The following KCNJ12 variants were observed in gnomAD, a reference collection of about 807,000 sequenced individuals.
The protein encoded by KCNJ12 is potassium inwardly rectifying channel subfamily J member 12.
Under a neutral mutation model 22.3 loss-of-function variants are expected in KCNJ12, and 2 were observed. The ratio of observed to expected loss-of-function variants is 0.09; its 90% CI spans 0.04 to 0.28. The LOEUF (loss-of-function observed/expected upper bound fraction) is 0.28. KCNJ12 is among the 10% of genes least tolerant of loss of function. The pLI is 1.00. For missense variants in KCNJ12, 155 were observed against 633.3 expected, an observed-to-expected ratio of 0.24 and a Z score of 8.11; for synonymous variants, 117 against 261.4, an observed-to-expected ratio of 0.45 and a Z score of 5.33.
In KCNJ12 at chr17:21,415,965, A is replaced by T; in HGVS notation, c.623A>T (p.Lys208Met). The change falls in exon 3 of 3, where the codon AAG becomes ATG. Residue 208 changes from lysine to methionine, a missense_variant. Lys to Met is a moderately conservative substitution (Grantham distance 95). Coordinates refer to ENST00000583088, the MANE Select transcript of KCNJ12 (RefSeq NM_021012.5). ...GCCGTGGTGGCCCTGCGTGACGGCA[A>T]GCTCTGCCTCATGTGGCGTGTGGGT... Reference protein sequence around the residue: ...HNAVVALRDGKLCLMWRVGNL... With the variant: ...HNAVVALRDGMLCLMWRVGNL... The T allele has an allele frequency of 6.2e-7, 1 of 1,610,470 alleles. No homozygotes were observed. The highest frequency in any genetic ancestry group is 8.5e-7 in the Non-Finnish European group (1 of 1,179,006).
intron 2 of KCNJ12, 88 bp from the exon 3 acceptor site, chr17:21,415,199 C>G: frequency 7.3e-7 from 1 of 1,366,540 alleles, no homozygotes; most frequent in Non-Finnish European, 1.0e-6. Context: ...GTGGAAGCGT[C>G]CTCCAGTCAC....
At chr17:21,414,173 C>T (rs1906544870) in intron 2 of KCNJ12, among the ~76,000 whole-genome samples, 1 of 152,298 alleles carries the variant, frequency 6.6e-6, no homozygotes, top group Non-Finnish European at 1.5e-5. Flanking sequence ...ATTCTAGGCC[C>T]TGGGAAGGAC....
chr17:21,408,802 C>T (rs1187073618), intron 2 of KCNJ12, among the ~76,000 whole-genome samples, 162 bp downstream of exon 2: 6 of 152,170 alleles, frequency 3.9e-5, no homozygotes, highest in Admixed American at 6.5e-5. Context: ...CCCATGCCTC[C>T]ACCCCTCCAT....
At chr17:21,402,452 G>A (rs1260714931) in intron 1 of KCNJ12, among the ~76,000 whole-genome samples, 3 of 152,312 alleles carry the variant, frequency 2.0e-5, no homozygotes, top group African/African-American at 7.2e-5. Flanking sequence ...GTGAGTCAAT[G>A]CTGAGTGTGA....
At chr17:21,381,435 G>A (rs1428715976) in intron 1 of KCNJ12, among the ~76,000 whole-genome samples, 1 of 151,998 alleles carries the variant, frequency 6.6e-6, no homozygotes, top group Non-Finnish European at 1.5e-5. Context: ...GGACCCTCAG[G>A]GCCCTGCACA....
intron 1 of KCNJ12, among the ~76,000 whole-genome samples, chr17:21,388,932 C>T (rs933682192): frequency 6.6e-5 from 10 of 152,196 alleles, no homozygotes; most frequent in Non-Finnish European, 1.0e-4. Context: ...ACTGAGATGT[C>T]TCTGGCTTGG....
chr17:21,385,019 C>T (rs1294248613), intron 1 of KCNJ12, among the ~76,000 whole-genome samples: 1 of 152,146 alleles, frequency 6.6e-6, no homozygotes, highest in Non-Finnish European at 1.5e-5. Context: ...TCGTGATCCG[C>T]CCGCCTCAGC....
At chr17:21,400,482 C>T (rs1180259364) in intron 1 of KCNJ12, among the ~76,000 whole-genome samples, 2 of 152,302 alleles carry the variant, frequency 1.3e-5, no homozygotes, top group African/African-American at 4.8e-5. Context: ...TGTGAGGAGC[C>T]GGGCACAGGG....
rs1189326402 is a variant in KCNJ12, at chr17:21,418,973, AC to A, written c.*2332del. 6.0e-6 allele frequency: 1 copy of A among 166,332 alleles called. No homozygotes were observed. The highest frequency in any genetic ancestry group is 2.4e-5 in the African/African-American group (1 of 41,226). The allele number at this position is 166,332 out of a possible 1,614,324, so 10.3% of individuals were successfully genotyped here. On this transcript the variant is annotated 3_prime_UTR_variant, in exon 3 of 3. Transcript: ENST00000583088. ...TCTGTGCTCTTACCTCCCAGCCCCCACCCTGCGGGAGAGCAGCCCCAGCGCC... is the reference window on the plus strand; with the variant it reads ...TCTGTGCTCTTACCTCCCAGCCCCCACCTGCGGGAGAGCAGCCCCAGCGCC...
chr17:21,410,956 G>C (rs1343224926), intron 2 of KCNJ12, among the ~76,000 whole-genome samples: 1 of 152,306 alleles, frequency 6.6e-6, no homozygotes, highest in Non-Finnish European at 1.5e-5. Context: ...TGCTGTGTTC[G>C]TGCCTCGTGA....
chr17:21,386,642 G>A (rs1555558678), intron 1 of KCNJ12, among the ~76,000 whole-genome samples: 2 of 152,130 alleles, frequency 1.3e-5, no homozygotes, highest in Non-Finnish European at 2.9e-5. Context: ...TGAGTTGCTA[G>A]GACTACAGGC....
intron 1 of KCNJ12, among the ~76,000 whole-genome samples, chr17:21,398,811 TGA>T (rs1555560174): frequency 1.3e-5 from 2 of 152,240 alleles, no homozygotes; most frequent in Non-Finnish European, 2.9e-5. Context: ...AGCTGTGGTG[TGA>T]GAGCAGGCAT....
chr17:21,400,994 T>C (rs1234988863), intron 1 of KCNJ12, among the ~76,000 whole-genome samples: 1 of 152,312 alleles, frequency 6.6e-6, no homozygotes, highest in African/African-American at 2.4e-5. Flanking sequence ...GCTCGGTGTG[T>C]CCAGCATACA....
chr17:21,392,584 T>C (rs1212680940), intron 1 of KCNJ12, among the ~76,000 whole-genome samples: 2 of 152,230 alleles, frequency 1.3e-5, no homozygotes, highest in Non-Finnish European at 2.9e-5. Context: ...TTGGAGGGGC[T>C]CCAAGCCACC....
chr17:21,403,959 C>G (rs1877466847), intron 1 of KCNJ12, among the ~76,000 whole-genome samples: 1 of 152,284 alleles, frequency 6.6e-6, no homozygotes, highest in African/African-American at 2.4e-5. Context: ...CTTGGGCTCC[C>G]CATTGCCTTT....
At chr17:21,408,020 T>TCCATCCATCCATCCAC (rs1555561259) in intron 1 of KCNJ12, among the ~76,000 whole-genome samples, 5 of 152,080 alleles carry the variant, frequency 3.3e-5, no homozygotes, top group Non-Finnish European at 5.9e-5. Flanking sequence ...CATCCATCCA[T>TCCATCCATCCATCCAC]CCACCCATTC....
intron 1 of KCNJ12, among the ~76,000 whole-genome samples, chr17:21,383,204 C>T (rs1555558234): frequency 6.6e-6 from 1 of 152,170 alleles, no homozygotes; most frequent in Non-Finnish European, 1.5e-5. Flanking sequence ...CCTGCCCGCC[C>T]CGCTTGCTCC....
chr17:21,404,035 G>A (rs1207319631), intron 1 of KCNJ12, among the ~76,000 whole-genome samples: 2 of 152,210 alleles, frequency 1.3e-5, no homozygotes, highest in African/African-American at 4.8e-5. Context: ...CGGCCTCTGT[G>A]CCTGCACACG....
At chr17:21,380,746 G>A (rs1555557823) in intron 1 of KCNJ12, among the ~76,000 whole-genome samples, 1 of 152,204 alleles carries the variant, frequency 6.6e-6, no homozygotes, top group Non-Finnish European at 1.5e-5. Flanking sequence ...GGACATGTAG[G>A]GAAGCAGGCC....
Sources: allele counts gnomAD v4.1 joint callset (sites outside exome capture counted in the v4.1 genomes callset), GRCh38; gene constraint gnomAD v4.1.1; transcripts MANE v1.5; gene names NCBI Gene and HGNC (gene_info 2026-07-23, HGNC 2026-07-21).